Variants in SLC25A39 observed in about 807,000 individuals in gnomAD.
SLC25A39 encodes mitochondrial glutathione transporter SLC25A39.
In SLC25A39, 44 loss-of-function variants were observed where a neutral mutation model predicts 46.6. That is an observed-to-expected ratio of 0.94 (90% CI 0.74 to 1.21). The LOEUF (loss-of-function observed/expected upper bound fraction) is 1.21. Ranked by LOEUF, SLC25A39 falls within the 50% of genes most tolerant of loss-of-function variation. The pLI is 0.00. For missense variants in SLC25A39, 487 were observed against 473.0 expected (o/e 1.03, Z -0.28); for synonymous variants, 218 against 190.6 (o/e 1.14, Z -1.19).
Position 44,320,090 on chromosome 17 carries a change from C to G in SLC25A39, c.991G>C (p.Ala331Pro), listed in dbSNP as rs370506274. 6.8e-5 allele frequency: 109 copies of G among 1,613,948 alleles called. 1 individual carries two copies. Among genetic ancestry groups the G allele is most frequent in the Admixed American group, 2.0e-4 (12 of 60,000 alleles). ...CTGATCATGATGGCACAGGAGGGGG[C>G]AGCCTTGATGATCCGAGGAAGGAAG... ...AGFLPRIIKA[A>P]PSCAIMISTY... The change falls in exon 12 of 12, where the codon GCC becomes CCC. Residue 331 changes from alanine (A) to proline (P), a missense_variant. By Grantham distance (27) the Ala-to-Pro change is conservative (BLOSUM62 -1). Coordinates refer to ENST00000377095, the MANE Select transcript of SLC25A39 (RefSeq NM_001143780.3).
In SLC25A39 at chr17:44,319,665, G is replaced by A. The variant is rs552527988; in HGVS notation, c.*336C>T. 6.9e-5 allele frequency: 24 copies of A among 345,406 alleles called. No homozygotes were observed. The highest frequency in any genetic ancestry group is 9.7e-4 in the Middle Eastern group (1 of 1,034). The allele number at this position is 345,406 out of a possible 1,614,324, so 21.4% of individuals were successfully genotyped here. A position where few individuals can be genotyped will look rare whatever the true frequency, so the allele number is the denominator to read the frequency against. ...CTTTAGACTTAAGGAATTAACAAGG[G>A]TCAGGGAGACTACACCAGGCTGAGG... On this transcript the variant is annotated 3_prime_UTR_variant, in exon 12 of 12. Coordinates refer to ENST00000377095, the MANE Select transcript of SLC25A39 (RefSeq NM_001143780.3).
At position 44,323,350 on chromosome 17, in the gene SLC25A39, G is replaced by A; in HGVS notation, c.86-7C>T. Reference sequence around the variant, plus strand: ...ACCACGTCCAGGGGTGTCACTGGGGGAGGAAGCGGGTCTGAAGGCTCCTTT... The same window carrying A: ...ACCACGTCCAGGGGTGTCACTGGGGAAGGAAGCGGGTCTGAAGGCTCCTTT... On this transcript the variant is annotated splice_region_variant and splice_polypyrimidine_tract_variant and intron_variant, in intron 2 of 11. Coordinates refer to ENST00000377095, the MANE Select transcript of SLC25A39 (RefSeq NM_001143780.3). 2 of 1,609,588 alleles carry A rather than the reference G, an allele frequency of 1.2e-6. No homozygotes were observed. The highest frequency in any genetic ancestry group is 1.1e-5 in the South Asian group (1 of 90,574).
In SLC25A39 at chr17:44,320,600, A is replaced by G. The variant is rs762351754; in HGVS notation, c.801+22T>C. On this transcript the variant is annotated intron_variant, in intron 9 of 11. Coordinates refer to ENST00000377095, the MANE Select transcript of SLC25A39 (RefSeq NM_001143780.3). Reference sequence around the variant, plus strand: ...CCGCAGGGAGACCTCCGCTGGCCTCACCTCCAGCCCAGTCCACTCACCGTC... The same window carrying G: ...CCGCAGGGAGACCTCCGCTGGCCTCGCCTCCAGCCCAGTCCACTCACCGTC... The G allele has an allele frequency of 2.5e-6, 4 of 1,603,892 alleles. No individual in the cohort carries two copies. The South Asian group carries it at 3.3e-5, about 13-fold the overall frequency.
chr17:44,321,591 C>T (rs2048040390), intron 6 of SLC25A39, 33 bp from the exon 7 acceptor site: 2 of 1,611,650 alleles, frequency 1.2e-6, no homozygotes, highest in Non-Finnish European at 1.7e-6. Context: ...GCTGGGACTC[C>T]CAAAAGGACC....
rs751075919 is a variant in SLC25A39, at chr17:44,321,786, G to A, written c.325-19C>T. The A allele has an allele frequency of 2.5e-6, 4 of 1,606,606 alleles. No individual in the cohort carries two copies. Among genetic ancestry groups the A allele is most frequent in the Non-Finnish European group, 2.6e-6 (3 of 1,175,494 alleles). On this transcript the variant is annotated intron_variant, in intron 5 of 11. Coordinates refer to ENST00000377095, the MANE Select transcript of SLC25A39 (RefSeq NM_001143780.3). ...AGGCATCCTGGCCAAGCAGGCACCAGCCCAGGGGAAGAGGAGGGACACAAG... is the reference window on the plus strand; with the variant it reads ...AGGCATCCTGGCCAAGCAGGCACCAACCCAGGGGAAGAGGAGGGACACAAG...
rs11545315 is a variant in SLC25A39 at position 44,321,123 on chromosome 17, T to G, written c.626A>C (p.Gln209Pro). 4 of 1,612,676 alleles carry G rather than the reference T, an allele frequency of 2.5e-6. No homozygotes were observed. In the Admixed American group the frequency reaches 6.7e-5, roughly 27 times the overall value. Residue 209 changes from glutamine (Q) to proline (P), a missense_variant, in exon 8 of 12, where the codon CAG (glutamine) becomes CCG (proline). Transcript: ENST00000377095. ...CAGCCACAGTGAGCGCCAGCCACCC[T>G]GAGCCACTGCAGTTCGAACACAGGC... Reference protein sequence around the residue: ...LGACVRTAVAQGGWRSLWLGW... With the variant: ...LGACVRTAVAPGGWRSLWLGW...
chr17:44,322,694 C>T (rs1285105056), intron 4 of SLC25A39, 114 bp downstream of exon 4: 3 of 1,563,516 alleles, frequency 1.9e-6, no homozygotes, highest in East Asian at 4.6e-5. Context: ...GCTGGCAGGA[C>T]CTGGGAGTAT....
chr17:44,320,318 C>A (rs2144717281), intron 10 of SLC25A39, 37 bp downstream of exon 10: 1 of 1,613,434 alleles, frequency 6.2e-7, no homozygotes, highest in African/African-American at 1.3e-5. Flanking sequence ...CATTCAGGAC[C>A]CCACCTGTCC....
chr17:44,323,248 G>A (rs1399793926), intron 3 of SLC25A39, 36 bp downstream of exon 3: 1 of 1,611,916 alleles, frequency 6.2e-7, no homozygotes, highest in Non-Finnish European at 8.5e-7. Flanking sequence ...TTTTGCCCAG[G>A]CACCACCCCT....
At position 44,320,366 on chromosome 17, in the gene SLC25A39, T is replaced by TC. The variant is rs1390162226; in HGVS notation, c.871dup (p.Glu291GlyfsTer52). On this transcript the variant is annotated frameshift_variant, in exon 10 of 12. Coordinates refer to ENST00000377095, the MANE Select transcript of SLC25A39 (RefSeq NM_001143780.3). LOFTEE classifies it high-confidence loss of function. Reference sequence around the variant, plus strand: ...ATCTGGGCCCTCACCTCTCACAGCCTCCATCGCTCCCAGAGCGACCTGGCG... The same window carrying TC: ...ATCTGGGCCCTCACCTCTCACAGCCTCCCATCGCTCCCAGAGCGACCTGGCG... 1.2e-6 allele frequency: 2 copies of TC among 1,613,554 alleles called. No homozygotes were observed. Among genetic ancestry groups the TC allele is most frequent in the Admixed American group, 1.7e-5 (1 of 60,018 alleles).
At position 44,320,240 on chromosome 17, in the gene SLC25A39, A is replaced by G; in HGVS notation, c.920T>C (p.Leu307Pro). The G allele has an allele frequency of 6.2e-7, 1 of 1,613,840 alleles. No homozygotes were observed. Among genetic ancestry groups the G allele is most frequent in the Non-Finnish European group, 8.5e-7 (1 of 1,180,018 alleles). ...PLHVDSTWLL[L>P]RRIRAESGTK... is the part of the protein sequence containing the mutation. The stretch of plus-strand genomic sequence containing the variant: ...GCCCGACTCGGCCCGGATCCTCCGC[A>G]GCAGCAGCCAGGTGGAGTCCACATG... The change falls in exon 11 of 12, where the codon CTG becomes CCG. Residue 307 changes from leucine (L) to proline (P), a missense_variant. Coordinates refer to ENST00000377095, the MANE Select transcript of SLC25A39 (RefSeq NM_001143780.3).
At chr17:44,323,691 C>T in intron 1 of SLC25A39, 114 bp from the exon 2 acceptor site, 1 of 723,560 alleles carries the variant, frequency 1.4e-6, no homozygotes, top group South Asian at 1.8e-5. Flanking sequence ...TGTTGCCAGG[C>T]TGGAGTGCAG....
chr17:44,323,833 G>A (rs532833636), intron 1 of SLC25A39: 8 of 469,442 alleles, frequency 1.7e-5, no homozygotes, highest in South Asian at 8.0e-5. Context: ...GTAGAGACAG[G>A]GTTTCACCAT....
chr17:44,322,014 C>T (rs2048057753), intron 5 of SLC25A39, among the ~76,000 whole-genome samples: 1 of 152,210 alleles, frequency 6.6e-6, no homozygotes, highest in Non-Finnish European at 1.5e-5. Context: ...CTTTGGGAGG[C>T]CAAGGCGGAT....
chr17:44,321,085 T>A lies in SLC25A39; in HGVS notation c.664A>T (p.Thr222Ser). 6.2e-6 allele frequency: 10 copies of A among 1,608,256 alleles called. No individual in the cohort carries two copies. The highest frequency in any genetic ancestry group is 8.5e-6 in the Non-Finnish European group (10 of 1,178,052). ...GAGAAGGGCACATCTCGAAGGGCAGTGGGGCCCCAGCCCAGCCACAGTGAG... is the reference window on the plus strand; with the variant it reads ...GAGAAGGGCACATCTCGAAGGGCAGAGGGGCCCCAGCCCAGCCACAGTGAG... Reference protein sequence around the residue: ...WRSLWLGWGPTALRDVPFSAL... With the variant: ...WRSLWLGWGPSALRDVPFSAL... The change falls in exon 8 of 12, where the codon ACT (threonine) becomes TCT (serine). Residue 222 changes from threonine to serine, a missense_variant. By Grantham distance (58) the Thr-to-Ser change is moderately conservative. Coordinates refer to ENST00000377095, the MANE Select transcript of SLC25A39 (RefSeq NM_001143780.3).
chr17:44,323,406 G>A (rs529727210), intron 2 of SLC25A39, 63 bp from the exon 3 acceptor site: 2 of 1,576,096 alleles, frequency 1.3e-6, no homozygotes, highest in East Asian at 4.6e-5. Context: ...TCCTCCCCCA[G>A]GACCACACAG....
rs981249371 is a variant in SLC25A39 at position 44,322,949 on chromosome 17, G to C, written c.146-97C>G. On this transcript the variant is annotated intron_variant, in intron 3 of 11. Coordinates refer to ENST00000377095, the MANE Select transcript of SLC25A39 (RefSeq NM_001143780.3). ...TTTTTATTTTATTTTTTGAGATGGA[G>C]TCTTGCTCTGTCGCCCACCCTGGAG... The C allele has an allele frequency of 3.0e-6, 4 of 1,319,506 alleles. No homozygotes were observed. In the African/African-American group the frequency reaches 5.9e-5, roughly 19 times the overall value. 81.7% of individuals were successfully genotyped at this position (1,319,506 alleles called of 1,614,324 possible). A position where few individuals can be genotyped will look rare whatever the true frequency, so the allele number is the denominator to read the frequency against.
Position 44,319,942 on chromosome 17 carries a change from TCTC to T in SLC25A39, c.*56_*58del, listed in dbSNP as rs961984387. The T allele has an allele frequency of 1.3e-6, 2 of 1,544,280 alleles. No homozygotes were observed. Among genetic ancestry groups the T allele is most frequent in the African/African-American group, 2.7e-5 (2 of 73,432 alleles). Reference sequence around the variant, plus strand: ...GCTGAGGAAAAGGCACTTGGCTGGGTCTCCTCCTGCCCTCTCCCCATCCGTGGG... The same window carrying T: ...GCTGAGGAAAAGGCACTTGGCTGGGTCTCCTGCCCTCTCCCCATCCGTGGG... On this transcript the variant is annotated 3_prime_UTR_variant, in exon 12 of 12. Coordinates refer to ENST00000377095, the MANE Select transcript of SLC25A39 (RefSeq NM_001143780.3).
At position 44,321,138 on chromosome 17, in the gene SLC25A39, C is replaced by T. The variant is rs767401913; in HGVS notation, c.611G>A (p.Arg204Gln). The change falls in exon 8 of 12, where the codon CGA (arginine) becomes CAA (glutamine). Residue 204 changes from arginine (R) to glutamine (Q), a missense_variant. Arg to Gln is a conservative substitution (Grantham distance 43). Transcript: ENST00000377095. ...VSYRELGACV[R>Q]TAVAQGGWRS... The stretch of plus-strand genomic sequence containing the variant: ...CCAGCCACCCTGAGCCACTGCAGTT[C>T]GAACACAGGCACCCAGCTCCCGGTA... 7.0e-5 allele frequency: 113 copies of T among 1,612,828 alleles called. No homozygotes were observed. Among genetic ancestry groups the T allele is most frequent in the Middle Eastern group, 3.3e-4 (2 of 6,080 alleles).
Sources: allele counts gnomAD v4.1 joint callset (sites outside exome capture counted in the v4.1 genomes callset), GRCh38; gene constraint gnomAD v4.1.1; transcripts MANE v1.5; gene names NCBI Gene and HGNC (gene_info 2026-07-23, HGNC 2026-07-21).